PATJ: variants seen among roughly 807,000 people sequenced by gnomAD.
The protein encoded by PATJ is inaD-like protein.
PATJ carries 190 observed loss-of-function variants against 224.9 expected under a neutral mutation model. The ratio of observed to expected loss-of-function variants is 0.84; its 90% CI spans 0.75 to 0.95. PATJ has a LOEUF of 0.95. Ranked by LOEUF, PATJ falls within the 40% of genes least tolerant of loss-of-function variation. The pLI is 0.00. For synonymous variants in PATJ, 769 were observed against 820.3 expected (o/e 0.94, Z 1.07); for missense variants, 2,121 against 2,270.3 (o/e 0.93, Z 1.34).
chr1:62,056,558 A>C (rs1293808230), intron 31 of PATJ, among the ~76,000 whole-genome samples: 1 of 151,960 alleles, frequency 6.6e-6, no homozygotes, highest in Non-Finnish European at 1.5e-5. Flanking sequence ...AGGCTGGTGG[A>C]TCACCTGAGG....
chr1:61,843,490 A>G (rs1661437143), intron 17 of PATJ, among the ~76,000 whole-genome samples: 1 of 152,208 alleles, frequency 6.6e-6, no homozygotes, highest in Admixed American at 6.5e-5. Flanking sequence ...CTGTAATCCC[A>G]ACACTGGGAG....
chr1:62,030,587 A>G (rs1033655727), intron 29 of PATJ, among the ~76,000 whole-genome samples: 6 of 152,144 alleles, frequency 3.9e-5, no homozygotes, highest in Admixed American at 3.3e-4. Context: ...GAGTTTTGAT[A>G]ATTGCATACA....
intron 28 of PATJ, chr1:61,991,465 T>G: frequency 3.0e-6 from 3 of 984,264 alleles, no homozygotes; most frequent in Non-Finnish European, 3.6e-6. Context: ...TTTTGCATTT[T>G]ACGATTTCCT....
rs553793461 is a variant in PATJ, at chr1:61,801,903, CT to C, written c.1549+143del. On this transcript the variant is annotated intron_variant, in intron 12 of 43. Coordinates refer to ENST00000642238, the MANE Select transcript of PATJ (RefSeq NM_001350145.3). ...TAAAATAGGATATTCTTAATATCAA[CT>C]TTTTTTTTGAGACAGAGTTTCTTTT... The C allele has an allele frequency of 1.8e-3, 843 of 476,580 alleles. 4 individuals carry two copies. The highest frequency in any genetic ancestry group is 0.011 in the Middle Eastern group (17 of 1,498). The allele number at this position is 476,580 out of a possible 1,614,324, so 29.5% of individuals were successfully genotyped here. A position where few individuals can be genotyped will look rare whatever the true frequency, so the allele number is the denominator to read the frequency against.
At chr1:61,935,847 A>G (rs1254593807) in intron 27 of PATJ, among the ~76,000 whole-genome samples, 1 of 152,072 alleles carries the variant, frequency 6.6e-6, no homozygotes, top group Non-Finnish European at 1.5e-5. Context: ...TAGATTACCA[A>G]TTCCTTGCAT....
At chr1:62,152,193 A>G (rs1461761142) in intron 42 of PATJ, among the ~76,000 whole-genome samples, 1 of 152,188 alleles carries the variant, frequency 6.6e-6, no homozygotes, top group African/African-American at 2.4e-5. Context: ...AGTAATTACA[A>G]TATGATACAG....
Position 61,990,258 on chromosome 1 carries a change from C to G in PATJ, c.3761C>G (p.Ala1254Gly). Residue 1254 changes from alanine (A) to glycine (G), a missense_variant, in exon 28 of 44, where the codon GCT (alanine) becomes GGT (glycine). By Grantham distance (60) the Ala-to-Gly change is moderately conservative (BLOSUM62 0). Coordinates refer to ENST00000642238, the MANE Select transcript of PATJ (RefSeq NM_001350145.3). Reference protein sequence around the residue: ...KDKNGLGLSLAGNKDRSRMSI... With the variant: ...KDKNGLGLSLGGNKDRSRMSI... ...AAGAATGGACTTGGACTCAGCCTTGCTGGTAATAAAGACCGATCACGCATG... is the reference window on the plus strand; with the variant it reads ...AAGAATGGACTTGGACTCAGCCTTGGTGGTAATAAAGACCGATCACGCATG... 6.2e-7 allele frequency: 1 copy of G among 1,613,996 alleles called. No homozygotes were observed. Among genetic ancestry groups the G allele is most frequent in the Non-Finnish European group, 8.5e-7 (1 of 1,179,910 alleles).
chr1:62,036,351 A>C (rs1558074185), intron 29 of PATJ, among the ~76,000 whole-genome samples: 1 of 152,216 alleles, frequency 6.6e-6, no homozygotes, highest in Non-Finnish European at 1.5e-5. Flanking sequence ...GGTTGGAAGT[A>C]CAGATGAGGA....
At chr1:61,996,159 C>T (rs1028302778) in intron 28 of PATJ, among the ~76,000 whole-genome samples, 1 of 152,128 alleles carries the variant, frequency 6.6e-6, no homozygotes, top group African/African-American at 2.4e-5. Context: ...CATGAAAAAT[C>T]AAAAGCATGA....
intron 33 of PATJ, among the ~76,000 whole-genome samples, chr1:62,101,461 C>T (rs1662172297): frequency 6.6e-6 from 1 of 151,980 alleles, no homozygotes; most frequent in African/African-American, 2.4e-5. Context: ...TGGGATTTCA[C>T]CATGTTGGTC....
intron 7 of PATJ, among the ~76,000 whole-genome samples, chr1:61,778,176 G>T (rs75696128): frequency 8.5e-5 from 13 of 152,082 alleles, no homozygotes; most frequent in Non-Finnish European, 1.8e-4. Context: ...CATTGCACCC[G>T]CCTGGCCTTA....
At chr1:61,987,436 A>G (rs1332520503) in intron 27 of PATJ, among the ~76,000 whole-genome samples, 1 of 152,002 alleles carries the variant, frequency 6.6e-6, no homozygotes, top group Non-Finnish European at 1.5e-5. Context: ...ACTTTCTGAG[A>G]GAGGTGTGTT....
At chr1:61,887,926 G>T (rs897698311) in intron 22 of PATJ, among the ~76,000 whole-genome samples, 1 of 152,148 alleles carries the variant, frequency 6.6e-6, no homozygotes, top group East Asian at 1.9e-4. Context: ...GTGTTGACAT[G>T]GGAGATATCT....
rs780657057 is a variant in PATJ, at chr1:61,864,539, A to G, written c.2741A>G (p.His914Arg). Reference protein sequence around the residue: ...NELHFGTQWLHDNEPSESQEA... With the variant: ...NELHFGTQWLRDNEPSESQEA... ...CTTCACTTTGGTACACAGTGGTTGCATGATAATGAACCATCCGAGTCTCAA... is the reference window on the plus strand; with the variant it reads ...CTTCACTTTGGTACACAGTGGTTGCGTGATAATGAACCATCCGAGTCTCAA... The change falls in exon 20 of 44, where the codon CAT becomes CGT. Residue 914 changes from histidine (H) to arginine (R), a missense_variant. By Grantham distance (29) the His-to-Arg change is conservative. Coordinates refer to ENST00000642238, the MANE Select transcript of PATJ (RefSeq NM_001350145.3). 5 of 1,613,552 alleles carry G rather than the reference A, an allele frequency of 3.1e-6. No homozygotes were observed. Among genetic ancestry groups the G allele is most frequent in the East Asian group, 2.2e-5 (1 of 44,882 alleles).
rs1218856613 is a variant in PATJ, at chr1:62,144,775, A to AT, written c.5272-3509_5272-3508insT. On this transcript the variant is annotated intron_variant, in intron 41 of 43. Coordinates refer to ENST00000642238, the MANE Select transcript of PATJ (RefSeq NM_001350145.3). The stretch of plus-strand genomic sequence containing the variant: ...TCTAGAATGTTATTTGCAAAAAAAA[A>AT]AAATATATATATATATATATAATTA... Among the ~76,000 whole-genome samples the AT allele has an allele frequency of 1.1e-3, 96 of 90,844 alleles. 2 individuals carry two copies. Among genetic ancestry groups the AT allele is most frequent in the African/African-American group, 3.5e-3 (90 of 25,574 alleles). 59.6% of individuals were successfully genotyped at this position (90,844 alleles called of 152,430 possible).
At chr1:62,054,457 A>G (rs879814220) in intron 31 of PATJ, 4 of 247,482 alleles carry the variant, frequency 1.6e-5, no homozygotes, top group Non-Finnish European at 3.4e-5. Context: ...TTGGCTTTGG[A>G]CTGTGTCTCA....
At chr1:61,863,567 A>C (rs1664963942) in intron 19 of PATJ, among the ~76,000 whole-genome samples, 1 of 152,212 alleles carries the variant, frequency 6.6e-6, no homozygotes, top group African/African-American at 2.4e-5. Flanking sequence ...GGTTTTAGCC[A>C]GGAACCCACA....
intron 11 of PATJ, among the ~76,000 whole-genome samples, chr1:61,800,343 G>A (rs1279757722): frequency 1.3e-5 from 2 of 152,094 alleles, no homozygotes; most frequent in Non-Finnish European, 2.9e-5. Context: ...GGATTTAATT[G>A]CAGGATTGTT....
At chr1:62,041,812 C>T (rs184530002) in intron 30 of PATJ, among the ~76,000 whole-genome samples, 58 of 152,074 alleles carry the variant, frequency 3.8e-4, no homozygotes, top group Non-Finnish European at 7.9e-4. Context: ...GGGTGGATCA[C>T]GAGGTCAGGA....
Sources: gnomAD v4.1 joint callset for allele counts (sites outside exome capture counted in the v4.1 genomes callset) on GRCh38, gnomAD v4.1.1 for gene constraint, MANE v1.5 for transcripts, NCBI Gene and HGNC (gene_info 2026-07-23, HGNC 2026-07-21) for gene names.